Variants in USP37 observed in about 807,000 individuals in gnomAD.
The protein encoded by USP37 is ubiquitin carboxyl-terminal hydrolase 37.
A neutral mutation model predicts 124.0 loss-of-function variants in USP37; 27 were observed. The observed-to-expected ratio is 0.22, with a 90% confidence interval of 0.16 to 0.30. The LOEUF is 0.30. Among genes scored for constraint, USP37 ranks in the 10% least tolerant of loss-of-function variants. The pLI, the probability that USP37 is intolerant of heterozygous loss-of-function variation, is 1.00. For synonymous variants in USP37, 365 were observed against 388.0 expected, an observed-to-expected ratio of 0.94 and a Z score of 0.70; for missense variants, 889 against 1,140.4, an observed-to-expected ratio of 0.78 and a Z score of 3.17.
chr2:218,452,858 A>G lies in USP37; in HGVS notation c.*2072T>C, dbSNP rs1250317807. The G allele has an allele frequency of 3.3e-5, 5 of 152,262 alleles. No individual in the cohort carries two copies. Among genetic ancestry groups the G allele is most frequent in the African/African-American group, 9.6e-5 (4 of 41,476 alleles). The allele number at this position is 152,262 out of a possible 1,614,324, so 9.4% of individuals were successfully genotyped here. ...CGTAAAAGAATTAATAACTAGCCAAAGAATTTTATCACCGCTTCACTCATT... is the reference window on the plus strand; with the variant it reads ...CGTAAAAGAATTAATAACTAGCCAAGGAATTTTATCACCGCTTCACTCATT... On this transcript the variant is annotated 3_prime_UTR_variant, in exon 26 of 26. Transcript: ENST00000258399.
At chr2:218,523,018 G>A (rs1467528826) in intron 10 of USP37, among the ~76,000 whole-genome samples, 1 of 152,144 alleles carries the variant, frequency 6.6e-6, no homozygotes, top group African/African-American at 2.4e-5. Flanking sequence ...GCTTACGCTT[G>A]TAATCCCAGC....
At chr2:218,518,413 T>C (rs896907382) in intron 10 of USP37, among the ~76,000 whole-genome samples, 2 of 152,216 alleles carry the variant, frequency 1.3e-5, no homozygotes, top group Non-Finnish European at 2.9e-5. Context: ...CTATTTCTTC[T>C]AGTAATAATT....
At position 218,510,024 on chromosome 2, in the gene USP37, T is replaced by C; in HGVS notation, c.980A>G (p.Lys327Arg). Reference sequence around the variant, plus strand: ...GTGAGAGGAAAGGGGCACTCTTGGTTTATTCCAGCCAGTGTAATCCTGGTT... The same window carrying C: ...GTGAGAGGAAAGGGGCACTCTTGGTCTATTCCAGCCAGTGTAATCCTGGTT... ...RCNQDYTGWN[K>R]PRVPLSSHQQ... is the part of the protein sequence containing the mutation. The change falls in exon 11 of 26, where the codon AAA becomes AGA. Residue 327 changes from lysine to arginine, a missense_variant. Transcript: ENST00000258399. 1 of 1,603,046 alleles carries C rather than the reference T, an allele frequency of 6.2e-7. No homozygotes were observed. Among genetic ancestry groups the C allele is most frequent in the East Asian group, 2.2e-5 (1 of 44,622 alleles).
chr2:218,531,074 C>T (rs563463338), intron 9 of USP37, among the ~76,000 whole-genome samples: 1 of 152,208 alleles, frequency 6.6e-6, no homozygotes, highest in Admixed American at 6.5e-5. Context: ...GCTAAGATCA[C>T]TGATGAAGGT....
intron 20 of USP37, among the ~76,000 whole-genome samples, chr2:218,466,402 T>A (rs935045571): frequency 6.6e-6 from 1 of 152,112 alleles, no homozygotes. Context: ...GAAGAGTATG[T>A]CCTGTGCATT....
chr2:218,458,167 A>G (rs1419182978), intron 23 of USP37, among the ~76,000 whole-genome samples: 1 of 151,458 alleles, frequency 6.6e-6, no homozygotes, highest in Non-Finnish European at 1.5e-5. Context: ...GGAGAATATA[A>G]AAGGAGAAAT....
chr2:218,557,930 C>CAAAAAAAAAAAAAAAGAAAAAA (rs1693106189), intron 4 of USP37, among the ~76,000 whole-genome samples: 1 of 35,668 alleles, frequency 2.8e-5, no homozygotes, highest in Non-Finnish European at 5.3e-5. Flanking sequence ...GACTCTGTCT[C>CAAAAAAAAAAAAAAAGAAAAAA]AAAAAAAAAA....
chr2:218,460,049 G>A (rs546386069), intron 22 of USP37, 144 bp from the exon 23 acceptor site: 26 of 351,458 alleles, frequency 7.4e-5, no homozygotes, highest in Admixed American at 3.7e-4. Flanking sequence ...TGACCAACAT[G>A]GTCAGAGATG....
At chr2:218,494,991 A>G (rs969810658) in intron 14 of USP37, among the ~76,000 whole-genome samples, 8 of 152,184 alleles carry the variant, frequency 5.3e-5, no homozygotes, top group Non-Finnish European at 8.8e-5. Flanking sequence ...ACAAAGAAAA[A>G]CAAGTATTCC....
chr2:218,457,465 A>G (rs1310536012), intron 23 of USP37, among the ~76,000 whole-genome samples: 2 of 152,184 alleles, frequency 1.3e-5, no homozygotes, highest in Admixed American at 6.5e-5. Flanking sequence ...TCAATTCAAT[A>G]TAATAATGTT....
intron 16 of USP37, among the ~76,000 whole-genome samples, chr2:218,484,547 G>A (rs561768128): frequency 2.4e-4 from 37 of 151,950 alleles, no homozygotes; most frequent in African/African-American, 8.4e-4. Context: ...GCTTGAACCC[G>A]TGAGGCAGAG....
rs778154896 is a variant in USP37 at position 218,463,530 on chromosome 2, CTTTTTTTTTTT to C, written c.2467-175_2467-165del. On this transcript the variant is annotated intron_variant, in intron 21 of 25. Coordinates refer to ENST00000258399, the MANE Select transcript of USP37 (RefSeq NM_020935.3). ...TTGAGGAATGTGGGGAAGTTCTTTACTTTTTTTTTTTTTTTTTTTTTTTGAGACGGAGTCTC... is the reference window on the plus strand; with the variant it reads ...TTGAGGAATGTGGGGAAGTTCTTTACTTTTTTTTTTTTGAGACGGAGTCTC... Among the ~76,000 whole-genome samples the C allele has an allele frequency of 3.0e-5, 3 of 99,098 alleles. No individual in the cohort carries two copies. The Admixed American group carries it at 3.3e-4, about 11-fold the overall frequency. 65.0% of individuals were successfully genotyped at this position (99,098 alleles called of 152,430 possible). A position where few individuals can be genotyped will look rare whatever the true frequency, so the allele number is the denominator to read the frequency against.
chr2:218,497,975 AT>A, intron 12 of USP37, 50 bp downstream of exon 12: 1 of 1,568,192 alleles, frequency 6.4e-7, no homozygotes, highest in Non-Finnish European at 8.6e-7. Context: ...CCATTATTCT[AT>A]AATCAATGAA....
At chr2:218,563,054 T>G (rs946899653) in intron 1 of USP37, among the ~76,000 whole-genome samples, 1 of 151,162 alleles carries the variant, frequency 6.6e-6, no homozygotes, top group African/African-American at 2.4e-5. Context: ...TCCCAGCTAC[T>G]CGGGAGGCTG....
At chr2:218,465,486 C>T (rs1427534198) in intron 21 of USP37, among the ~76,000 whole-genome samples, 1 of 151,462 alleles carries the variant, frequency 6.6e-6, no homozygotes, top group Non-Finnish European at 1.5e-5. Context: ...TCTATAATAC[C>T]CCATCCTGTT....
rs553674015 is a variant in USP37 at position 218,474,870 on chromosome 2, G to A, written c.2059C>T (p.Pro687Ser). ...EDLEKDSKLC[P>S]IEPDKSELEN... Reference sequence around the variant, plus strand: ...AATTCAGACTTGTCAGGCTCTATTGGGCATAATTTTGAATCCTGAAGAAGA... The same window carrying A: ...AATTCAGACTTGTCAGGCTCTATTGAGCATAATTTTGAATCCTGAAGAAGA... Residue 687 changes from proline (P) to serine (S), a missense_variant, in exon 20 of 26, where the codon CCA becomes TCA. Physicochemically the swap from Pro to Ser is moderately conservative, Grantham distance 74. Around this residue, in one of 3 missense-constraint regions of USP37, gnomAD observed 504 missense variants for 714.3 expected, o/e 0.71. Transcript: ENST00000258399. 2.8e-4 allele frequency: 443 copies of A among 1,610,744 alleles called. 5 individuals are homozygous for A. The South Asian group carries it at 4.6e-3, about 17-fold the overall frequency.
chr2:218,533,472 A>T (rs1691450554), intron 9 of USP37, among the ~76,000 whole-genome samples: 1 of 152,168 alleles, frequency 6.6e-6, no homozygotes, highest in South Asian at 2.1e-4. Context: ...TCATTTGGCC[A>T]TGCACTTCCT....
At chr2:218,505,099 C>T (rs1285782361) in intron 11 of USP37, among the ~76,000 whole-genome samples, 5 of 151,642 alleles carry the variant, frequency 3.3e-5, no homozygotes, top group African/African-American at 7.3e-5. Context: ...ACCGTGGCCT[C>T]GACCTCCCAG....
chr2:218,453,616 C>G lies in USP37; in HGVS notation c.*1314G>C, dbSNP rs1689554007. On this transcript the variant is annotated 3_prime_UTR_variant, in exon 26 of 26. Coordinates refer to ENST00000258399, the MANE Select transcript of USP37 (RefSeq NM_020935.3). ...AGAATTCTTTATATGGTTTCATAAG[C>G]TGCTTAACCAAGCTGGTTACGTCAG... 1 of 152,190 alleles carries G rather than the reference C, an allele frequency of 6.6e-6. No individual in the cohort carries two copies. 9.4% of individuals were successfully genotyped at this position (152,190 alleles called of 1,614,324 possible).
Sources: allele counts gnomAD v4.1 joint callset (sites outside exome capture counted in the v4.1 genomes callset), GRCh38; gene constraint gnomAD v4.1.1; regional missense constraint gnomAD v4.1.1; transcripts MANE v1.5; gene names NCBI Gene and HGNC (gene_info 2026-07-23, HGNC 2026-07-21).